BMPER: variants seen among roughly 807,000 people sequenced by gnomAD.
The protein encoded by BMPER is BMP binding endothelial regulator.
Under a neutral mutation model 87.3 loss-of-function variants are expected in BMPER, and 45 were observed. The observed-to-expected ratio is 0.52, with a 90% CI of 0.41 to 0.66. The LOEUF is 0.66. Ranked by LOEUF, BMPER falls within the 30% of genes least tolerant of loss-of-function variation. The pLI is 0.00. For missense variants in BMPER, 784 were observed against 867.5 expected (o/e 0.90, Z 1.21); for synonymous variants, 326 against 316.2 (o/e 1.03, Z -0.33).
At chr7:34,112,167 C>T (rs931547003) in intron 13 of BMPER, among the ~76,000 whole-genome samples, 3 of 152,016 alleles carry the variant, frequency 2.0e-5, no homozygotes, top group African/African-American at 7.2e-5. Flanking sequence ...ATGTGTTACA[C>T]ATGTATTATG....
At chr7:34,091,203 T>G (rs1789370859) in intron 13 of BMPER, among the ~76,000 whole-genome samples, 1 of 152,188 alleles carries the variant, frequency 6.6e-6, no homozygotes, top group African/African-American at 2.4e-5. Flanking sequence ...GATCACTTAT[T>G]ATAAAGCAAT....
At chr7:34,072,436 A>ATTTTTTTTT (rs71554123) in intron 11 of BMPER, among the ~76,000 whole-genome samples, 1 of 145,226 alleles carries the variant, frequency 6.9e-6, no homozygotes, top group Non-Finnish European at 1.5e-5. Flanking sequence ...AAGAGAATCG[A>ATTTTTTTTT]TTTTTTTTTT....
chr7:34,003,651 A>G (rs1356953988), intron 6 of BMPER, among the ~76,000 whole-genome samples: 3 of 152,020 alleles, frequency 2.0e-5, no homozygotes, highest in Non-Finnish European at 4.4e-5. Flanking sequence ...TTACTTGGTA[A>G]TGTCTTAATT....
chr7:34,109,330 T>A (rs981778313), intron 13 of BMPER, among the ~76,000 whole-genome samples: 1 of 152,214 alleles, frequency 6.6e-6, no homozygotes, highest in African/African-American at 2.4e-5. Flanking sequence ...TTTAATTGAC[T>A]GTATGAGGCC....
chr7:34,099,906 A>C (rs1206849048), intron 13 of BMPER, among the ~76,000 whole-genome samples: 1 of 145,044 alleles, frequency 6.9e-6, no homozygotes, highest in Non-Finnish European at 1.5e-5. Context: ...TTTTTTTTTC[A>C]TTGTTTGTTT....
chr7:34,083,973 T>C (rs1025994130), intron 12 of BMPER, among the ~76,000 whole-genome samples: 1 of 150,914 alleles, frequency 6.6e-6, no homozygotes, highest in Admixed American at 6.6e-5. Context: ...TGAAAAATGT[T>C]TTTGTCAGGA....
intron 6 of BMPER, among the ~76,000 whole-genome samples, chr7:33,988,227 A>T (rs1051485415): frequency 1.3e-4 from 20 of 152,138 alleles, no homozygotes; most frequent in African/African-American, 4.8e-4. Flanking sequence ...GATGAATGTG[A>T]TTGGCAAATG....
At chr7:33,929,183 G>C (rs987272474) in intron 2 of BMPER, among the ~76,000 whole-genome samples, 2 of 152,136 alleles carry the variant, frequency 1.3e-5, no homozygotes, top group Admixed American at 6.5e-5. Flanking sequence ...GTAAAGACTC[G>C]TTGAGCCTAG....
chr7:34,079,224 G>A (rs773592998), intron 12 of BMPER, 38 bp downstream of exon 12: 22 of 1,610,516 alleles, frequency 1.4e-5, no homozygotes, highest in Admixed American at 6.7e-5. Flanking sequence ...TCTAGCCTCC[G>A]CCTCACTTAC....
intron 11 of BMPER, among the ~76,000 whole-genome samples, chr7:34,064,405 TA>T (rs1275207561): frequency 6.6e-6 from 1 of 152,222 alleles, no homozygotes; most frequent in African/African-American, 2.4e-5. Context: ...ATCTACATTA[TA>T]TTATCAGTTT....
rs921000395 is a variant in BMPER, at chr7:34,049,652, T to C, written c.677-2209T>C. On this transcript the variant is annotated intron_variant, in intron 7 of 14. Coordinates refer to ENST00000649409, the MANE Select transcript of BMPER (RefSeq NM_001365308.1). ...CTACACAGAGCTCTGTATCTATCTA[T>C]TCATTTATCTTCTGCCTTTTGCCAA... Among the ~76,000 whole-genome samples, 3 of 152,184 alleles carry C rather than the reference T, an allele frequency of 2.0e-5. No homozygotes were observed. The South Asian group carries it at 6.2e-4, about 32-fold the overall frequency.
chr7:34,147,708 G>T (rs1282086012), intron 14 of BMPER, among the ~76,000 whole-genome samples: 1 of 152,186 alleles, frequency 6.6e-6, no homozygotes, highest in Non-Finnish European at 1.5e-5. Flanking sequence ...GACCTCAGGT[G>T]ATCTGCCTGC....
chr7:34,142,317 A>G (rs1251090786), intron 13 of BMPER, among the ~76,000 whole-genome samples: 1 of 152,176 alleles, frequency 6.6e-6, no homozygotes, highest in Non-Finnish European at 1.5e-5. Context: ...CTTTGGGCCC[A>G]TGTATTTATT....
chr7:34,071,760 C>G (rs1272439777), intron 11 of BMPER, among the ~76,000 whole-genome samples: 1 of 152,110 alleles, frequency 6.6e-6, no homozygotes, highest in East Asian at 1.9e-4. Context: ...ACCCTGAGCT[C>G]AGAAACATTT....
At chr7:34,113,455 T>C (rs534485732) in intron 13 of BMPER, among the ~76,000 whole-genome samples, 1 of 144,276 alleles carries the variant, frequency 6.9e-6, no homozygotes, top group South Asian at 2.4e-4. Context: ...TTCTTCAAGT[T>C]ACTTTTACAG....
chr7:33,906,855 C>T lies in BMPER; in HGVS notation c.171C>T (p.Leu57=). The stretch of plus-strand genomic sequence containing the variant: ...AATGTGAAAATGAAGGTGAAGTCCT[C>T]CAGATTCCATTTATCACAGACAACC... The part of the protein sequence containing the change: ...VAKCENEGEV[L]QIPFITDNPC... Residue 57 remains leucine (L), a synonymous_variant, in exon 2 of 15, where the codon CTC becomes CTT. Transcript: ENST00000649409. 1 of 1,613,910 alleles carries T rather than the reference C, an allele frequency of 6.2e-7. No individual in the cohort carries two copies.
intron 13 of BMPER, among the ~76,000 whole-genome samples, chr7:34,139,768 T>C (rs11763115): frequency 0.76 from 115,600 of 152,082 alleles, 44,388 homozygotes; most frequent in East Asian, 0.91. Flanking sequence ...AAATATATTT[T>C]CAAAACTTCA....
At chr7:33,994,135 T>C (rs1786322827) in intron 6 of BMPER, among the ~76,000 whole-genome samples, 1 of 152,298 alleles carries the variant, frequency 6.6e-6, no homozygotes, top group South Asian at 2.1e-4. Flanking sequence ...CCTTGAGCTG[T>C]GGTGGGCTCC....
intron 2 of BMPER, among the ~76,000 whole-genome samples, chr7:33,934,614 T>A (rs1487747105): frequency 6.6e-6 from 1 of 152,148 alleles, no homozygotes; most frequent in East Asian, 1.9e-4. Flanking sequence ...TTATTATGAA[T>A]CTTGGGATCC....
Sources: allele counts gnomAD v4.1 joint callset (sites outside exome capture counted in the v4.1 genomes callset), GRCh38; gene constraint gnomAD v4.1.1; transcripts MANE v1.5; gene names NCBI Gene and HGNC (gene_info 2026-07-23, HGNC 2026-07-21).